GAP43: variants seen among roughly 807,000 people sequenced by gnomAD.
GAP43 encodes the protein neuromodulin.
Under a neutral mutation model 18.6 loss-of-function variants are expected in GAP43, and 6 were observed. That is an observed-to-expected ratio of 0.32 (90% CI 0.18 to 0.64). The LOEUF (loss-of-function observed/expected upper bound fraction) is 0.64. Among genes scored for constraint, GAP43 ranks in the 30% least tolerant of loss-of-function variants. The pLI is 0.78. For synonymous variants in GAP43, 115 were observed against 111.4 expected, an observed-to-expected ratio of 1.03 and a Z score of -0.20; for missense variants, 292 against 295.5, an observed-to-expected ratio of 0.99 and a Z score of 0.09.
intron 2 of GAP43, among the ~76,000 whole-genome samples, chr3:115,687,326 T>C (rs1709047690): frequency 6.6e-6 from 1 of 152,194 alleles, no homozygotes; most frequent in South Asian, 2.1e-4. Flanking sequence ...GATGATATAG[T>C]AGATTTTGTG....
intron 2 of GAP43, among the ~76,000 whole-genome samples, chr3:115,715,508 A>C (rs1340297797): frequency 1.3e-5 from 2 of 152,200 alleles, no homozygotes; most frequent in Non-Finnish European, 2.9e-5. Context: ...TTGATCCGCT[A>C]GATGAGGAAT....
intron 2 of GAP43, among the ~76,000 whole-genome samples, chr3:115,702,418 G>GA (rs1327343324): frequency 1.3e-5 from 2 of 151,804 alleles, no homozygotes; most frequent in African/African-American, 4.8e-5. Context: ...GGGACAGAAA[G>GA]AAAAAAACTA....
intron 1 of GAP43, among the ~76,000 whole-genome samples, chr3:115,636,711 A>G (rs559526587): frequency 5.4e-4 from 82 of 152,088 alleles, no homozygotes; most frequent in African/African-American, 2.0e-3. Flanking sequence ...GTTAATTCTA[A>G]TTTATTTACT....
chr3:115,691,144 A>C (rs1454142328), intron 2 of GAP43, among the ~76,000 whole-genome samples: 4 of 152,230 alleles, frequency 2.6e-5, no homozygotes, highest in Non-Finnish European at 5.9e-5. Flanking sequence ...AAATTACTTC[A>C]TCCAGCAAAT....
intron 2 of GAP43, among the ~76,000 whole-genome samples, chr3:115,698,206 TATATAAA>T (rs1709240119): frequency 1.9e-3 from 4 of 2,070 alleles, no homozygotes; most frequent in African/African-American, 4.0e-3. Flanking sequence ...TATTATATAT[TATATAAA>T]ATATATAATA....
At chr3:115,669,997 A>ATTTTTT (rs200282076) in intron 1 of GAP43, among the ~76,000 whole-genome samples, 2 of 123,510 alleles carry the variant, frequency 1.6e-5, no homozygotes, top group African/African-American at 3.0e-5. Context: ...TTTTTTTTTA[A>ATTTTTT]TTTTTTTTTT....
chr3:115,633,047 A>T (rs1454404440), intron 1 of GAP43, among the ~76,000 whole-genome samples: 3 of 152,138 alleles, frequency 2.0e-5, no homozygotes, highest in African/African-American at 7.2e-5. Context: ...GATCATATGA[A>T]ATTAGTAAGT....
intron 2 of GAP43, among the ~76,000 whole-genome samples, chr3:115,703,654 A>G (rs893165880): frequency 3.9e-5 from 6 of 152,194 alleles, no homozygotes; most frequent in African/African-American, 1.4e-4. Context: ...GCAGTTTTAG[A>G]TGTAAAGTAT....
chr3:115,645,047 T>C (rs1708441374), intron 1 of GAP43, among the ~76,000 whole-genome samples: 1 of 152,032 alleles, frequency 6.6e-6, no homozygotes, highest in South Asian at 2.1e-4. Context: ...CCCTATATCA[T>C]TTTTGTTTAT....
At chr3:115,653,520 C>G (rs1708546130) in intron 1 of GAP43, among the ~76,000 whole-genome samples, 1 of 152,178 alleles carries the variant, frequency 6.6e-6, no homozygotes, top group Non-Finnish European at 1.5e-5. Context: ...AGAATGGTGT[C>G]TGCCCCTACT....
chr3:115,684,666 G>A (rs945874169), intron 2 of GAP43, among the ~76,000 whole-genome samples: 2 of 152,152 alleles, frequency 1.3e-5, no homozygotes, highest in African/African-American at 4.8e-5. Flanking sequence ...AGTAATGGTC[G>A]TTTCTCGGCT....
rs551961574 is a variant in GAP43, at chr3:115,700,353, T to C, written c.629-20441T>C. Among the ~76,000 whole-genome samples, 11 of 152,256 alleles carry C rather than the reference T, an allele frequency of 7.2e-5. No homozygotes were observed. The East Asian group carries it at 1.9e-3, about 27-fold the overall frequency. ...TCTTCCTAGATGATATTTATTGAGATGCCTAAAAATAAAATTACGCCTGTT... is the reference window on the plus strand; with the variant it reads ...TCTTCCTAGATGATATTTATTGAGACGCCTAAAAATAAAATTACGCCTGTT... On this transcript the variant is annotated intron_variant, in intron 2 of 2. Coordinates refer to ENST00000305124, the MANE Select transcript of GAP43 (RefSeq NM_002045.4).
intron 2 of GAP43, among the ~76,000 whole-genome samples, chr3:115,689,541 A>C (rs983845588): frequency 2.0e-5 from 3 of 152,188 alleles, no homozygotes; most frequent in Non-Finnish European, 4.4e-5. Flanking sequence ...CTTGCAGCCC[A>C]GTTCTTTGGA....
intron 1 of GAP43, among the ~76,000 whole-genome samples, chr3:115,659,241 C>T (rs1431338328): frequency 6.6e-6 from 1 of 152,118 alleles, no homozygotes; most frequent in Non-Finnish European, 1.5e-5. Context: ...GGAGTGAAGG[C>T]CAGAGACCCC....
intron 1 of GAP43, among the ~76,000 whole-genome samples, chr3:115,629,674 C>A (rs1203828207): frequency 6.6e-6 from 1 of 152,108 alleles, no homozygotes; most frequent in Non-Finnish European, 1.5e-5. Context: ...CTGGTGTCTA[C>A]CCTGTGAGCT....
intron 1 of GAP43, among the ~76,000 whole-genome samples, chr3:115,659,221 A>G (rs1708626372): frequency 6.6e-6 from 1 of 152,196 alleles, no homozygotes; most frequent in African/African-American, 2.4e-5. Flanking sequence ...AGGAAGGAAC[A>G]AACAGCTGAG....
At chr3:115,668,463 T>G (rs1232801660) in intron 1 of GAP43, among the ~76,000 whole-genome samples, 1 of 152,162 alleles carries the variant, frequency 6.6e-6, no homozygotes, top group Non-Finnish European at 1.5e-5. Context: ...TCGCTCTTGT[T>G]GCCCAGGCTG....
At chr3:115,630,679 T>C (rs1009731886) in intron 1 of GAP43, among the ~76,000 whole-genome samples, 3 of 152,210 alleles carry the variant, frequency 2.0e-5, no homozygotes, top group Non-Finnish European at 4.4e-5. Context: ...CCTCACTTGA[T>C]ATCTTGCTTA....
intron 1 of GAP43, among the ~76,000 whole-genome samples, chr3:115,631,760 A>G (rs1416302890): frequency 1.3e-5 from 2 of 152,080 alleles, no homozygotes; most frequent in Non-Finnish European, 2.9e-5. Flanking sequence ...AGCTGGGACT[A>G]CAGTTGCATG....
Sources: allele counts gnomAD v4.1 joint callset (sites outside exome capture counted in the v4.1 genomes callset), GRCh38; gene constraint gnomAD v4.1.1; transcripts MANE v1.5; gene names NCBI Gene and HGNC (gene_info 2026-07-23, HGNC 2026-07-21).